The following TMTC2 variants were observed in gnomAD, a reference collection of about 807,000 sequenced individuals.
The protein encoded by TMTC2 is protein O-mannosyl-transferase TMTC2.
In TMTC2, 43 loss-of-function variants were observed where a neutral mutation model predicts 82.4. That is an observed-to-expected ratio of 0.52 (90% CI 0.41 to 0.67). TMTC2 has a LOEUF of 0.67. Ranked by LOEUF, TMTC2 falls within the 30% of genes least tolerant of loss-of-function variation. TMTC2 has a pLI of 0.00. For synonymous variants in TMTC2, 408 were observed against 381.9 expected (o/e 1.07, Z -0.80); for missense variants, 919 against 1,012.4 (o/e 0.91, Z 1.25).
chr12:82,889,465 C>A (rs1873283865), intron 2 of TMTC2, among the ~76,000 whole-genome samples: 1 of 151,950 alleles, frequency 6.6e-6, no homozygotes, highest in Non-Finnish European at 1.5e-5. Context: ...GATGGGGAGC[C>A]ACACACAGAT....
intron 1 of TMTC2, among the ~76,000 whole-genome samples, chr12:82,705,824 T>C (rs931183063): frequency 2.0e-5 from 3 of 152,106 alleles, no homozygotes; most frequent in Admixed American, 6.5e-5. Context: ...TTGTGCGACA[T>C]AATCTCAAAG....
intron 4 of TMTC2, among the ~76,000 whole-genome samples, chr12:82,934,559 C>T (rs1043843574): frequency 1.3e-5 from 2 of 152,138 alleles, no homozygotes; most frequent in African/African-American, 4.8e-5. Flanking sequence ...GACATGAACT[C>T]ATCCTTTTTT....
chr12:82,758,908 G>A (rs908711884), intron 1 of TMTC2: 1 of 152,106 alleles, frequency 6.6e-6, no homozygotes, highest in African/African-American at 2.4e-5. Flanking sequence ...ATCACTGTAG[G>A]AGGCAGTGTA....
intron 2 of TMTC2, among the ~76,000 whole-genome samples, chr12:82,873,959 C>G: frequency 6.6e-6 from 1 of 152,130 alleles, no homozygotes; most frequent in East Asian, 1.9e-4. Flanking sequence ...CACTACTGAA[C>G]AATTTTAAAA....
At chr12:82,839,297 C>T (rs2137087110) in intron 1 of TMTC2, among the ~76,000 whole-genome samples, 1 of 152,258 alleles carries the variant, frequency 6.6e-6, no homozygotes, top group African/African-American at 2.4e-5. Flanking sequence ...CCCAAGGCAA[C>T]TTTTAATGTT....
At chr12:82,743,369 C>T (rs1875517023) in intron 1 of TMTC2, among the ~76,000 whole-genome samples, 2 of 151,496 alleles carry the variant, frequency 1.3e-5, no homozygotes, top group Admixed American at 1.3e-4. Context: ...TAAACTGGGA[C>T]CCAGGAGGCA....
At chr12:83,032,865 A>G (rs73134028) in intron 9 of TMTC2, among the ~76,000 whole-genome samples, 28,243 of 152,094 alleles carry the variant, frequency 0.19, 2,681 homozygotes, top group Middle Eastern at 0.25. Flanking sequence ...CCAGCCTACA[A>G]ACTTTTTATT....
rs183745649 is a variant in TMTC2 at position 82,816,757 on chromosome 12, A to G, written c.84-40253A>G. Among the ~76,000 whole-genome samples the G allele has an allele frequency of 2.6e-5, 4 of 152,234 alleles. No homozygotes were observed. The East Asian group carries it at 5.8e-4, about 22-fold the overall frequency. ...AGGCTTACAAGATAATAAACTTCCA[A>G]TTACTGGAAATATTTAGTAGAGATT... On this transcript the variant is annotated intron_variant, in intron 1 of 11. Coordinates refer to ENST00000321196, the MANE Select transcript of TMTC2 (RefSeq NM_152588.3).
At chr12:82,852,141 G>A (rs140241016) in intron 1 of TMTC2, among the ~76,000 whole-genome samples, 5,886 of 143,634 alleles carry the variant, frequency 0.041, 160 homozygotes, top group Non-Finnish European at 0.061. Context: ...TCGCTCTGTC[G>A]CCCAGGCTGG....
intron 1 of TMTC2, among the ~76,000 whole-genome samples, chr12:82,846,947 C>T (rs1015802068): frequency 6.6e-6 from 1 of 152,006 alleles, no homozygotes; most frequent in Non-Finnish European, 1.5e-5. Context: ...AGCGTAGTGC[C>T]TTCCTTTACC....
At chr12:83,114,736 T>C (rs1427142351) in intron 11 of TMTC2, among the ~76,000 whole-genome samples, 1 of 152,150 alleles carries the variant, frequency 6.6e-6, no homozygotes, top group Non-Finnish European at 1.5e-5. Flanking sequence ...TCTTCTGAAT[T>C]TGATTGTTGT....
chr12:82,882,696 C>T (rs1872892644), intron 2 of TMTC2, among the ~76,000 whole-genome samples: 1 of 152,076 alleles, frequency 6.6e-6, no homozygotes, highest in African/African-American at 2.4e-5. Flanking sequence ...AGTTTAAAAT[C>T]ACTGGATGTT....
At chr12:83,106,832 A>G (rs974258635) in intron 11 of TMTC2, among the ~76,000 whole-genome samples, 5 of 152,250 alleles carry the variant, frequency 3.3e-5, no homozygotes, top group Non-Finnish European at 7.3e-5. Context: ...CTTTTTAGAT[A>G]ATCAAAAACT....
chr12:82,782,159 AAACTT>A (rs1877941105), intron 1 of TMTC2, among the ~76,000 whole-genome samples: 1 of 152,126 alleles, frequency 6.6e-6, no homozygotes, highest in Admixed American at 6.5e-5. Flanking sequence ...CTTCTTAGGA[AAACTT>A]AACTTTGAGG....
intron 4 of TMTC2, among the ~76,000 whole-genome samples, chr12:82,944,366 C>T (rs1049950903): frequency 2.6e-5 from 4 of 151,914 alleles, no homozygotes; most frequent in African/African-American, 4.8e-5. Context: ...GGGCGGACCA[C>T]GAGGTCAGGA....
chr12:82,944,018 C>T (rs1300360959), intron 4 of TMTC2, among the ~76,000 whole-genome samples: 2 of 152,038 alleles, frequency 1.3e-5, no homozygotes, highest in Non-Finnish European at 2.9e-5. Flanking sequence ...AGGAGTCATA[C>T]TAGAAAGACA....
At chr12:82,935,921 A>G (rs1427845985) in intron 4 of TMTC2, among the ~76,000 whole-genome samples, 2 of 152,102 alleles carry the variant, frequency 1.3e-5, no homozygotes, top group Non-Finnish European at 1.5e-5. Flanking sequence ...GAAAATATAA[A>G]TAAATCAGAA....
chr12:82,832,218 G>T (rs1330275071), intron 1 of TMTC2, among the ~76,000 whole-genome samples: 1 of 151,844 alleles, frequency 6.6e-6, no homozygotes, highest in Non-Finnish European at 1.5e-5. Context: ...AATTCATTTG[G>T]CTGTGAAGTT....
intron 7 of TMTC2, among the ~76,000 whole-genome samples, chr12:82,975,409 G>T (rs1337324130): frequency 6.6e-6 from 1 of 152,100 alleles, no homozygotes; most frequent in Non-Finnish European, 1.5e-5. Context: ...TAGCCAAAAG[G>T]CTGAGAAGCA....
Sources: allele counts gnomAD v4.1 joint callset (sites outside exome capture counted in the v4.1 genomes callset), GRCh38; gene constraint gnomAD v4.1.1; transcripts MANE v1.5; gene names NCBI Gene and HGNC (gene_info 2026-07-23, HGNC 2026-07-21).